Variants in ZNF510 observed in about 807,000 individuals in gnomAD.
The protein encoded by ZNF510 is zinc finger protein 510.
A neutral mutation model predicts 18.1 loss-of-function variants in ZNF510; 15 were observed. The observed-to-expected ratio is 0.83, with a 90% CI of 0.55 to 1.28. The LOEUF is 1.28. ZNF510 is among the 50% of genes most tolerant of loss of function. The pLI, the probability that ZNF510 is intolerant of heterozygous loss-of-function variation, is 0.00. For synonymous variants in ZNF510, 261 were observed against 266.4 expected, an observed-to-expected ratio of 0.98 and a Z score of 0.20; for missense variants, 724 against 791.8, an observed-to-expected ratio of 0.91 and a Z score of 1.03.
At position 96,760,255 on chromosome 9, in the gene ZNF510, T is replaced by C. The variant is rs1266087500; in HGVS notation, c.575A>G (p.Asn192Ser). The change falls in exon 6 of 6, where the codon AAT (asparagine) becomes AGT (serine). Residue 192 changes from asparagine (N) to serine (S), a missense_variant. Transcript: ENST00000223428. Reference protein sequence around the residue: ...NLQSISEFIINNRNYSTKKIG... With the variant: ...NLQSISEFIISNRNYSTKKIG... ...TTTCTTTGTTGAATAGTTTCTATTA[T>C]TAATGATAAATTCAGAAATACTTTG... The C allele has an allele frequency of 2.5e-6, 4 of 1,612,832 alleles. No individual in the cohort carries two copies. In the South Asian group the frequency reaches 4.4e-5, roughly 18 times the overall value.
chr9:96,775,586 C>T (rs146109342), intron 2 of ZNF510, among the ~76,000 whole-genome samples: 4 of 152,314 alleles, frequency 2.6e-5, no homozygotes, highest in Middle Eastern at 3.4e-3. Context: ...TAAGACACTT[C>T]TGGTGACTCA....
At chr9:96,773,430 A>G (rs943488497) in intron 3 of ZNF510, among the ~76,000 whole-genome samples, 1 of 152,212 alleles carries the variant, frequency 6.6e-6, no homozygotes, top group South Asian at 2.1e-4. Flanking sequence ...GTATCTTTCT[A>G]TATTTGAACA....
chr9:96,765,650 C>A (rs1461028103), intron 3 of ZNF510, among the ~76,000 whole-genome samples: 2 of 151,874 alleles, frequency 1.3e-5, no homozygotes, highest in South Asian at 2.1e-4. Context: ...GTAGTTGGGA[C>A]TACAGGCACG....
At chr9:96,774,359 G>C (rs1439562920) in intron 3 of ZNF510, among the ~76,000 whole-genome samples, 1 of 152,202 alleles carries the variant, frequency 6.6e-6, no homozygotes, top group Non-Finnish European at 1.5e-5. Context: ...TTGGCACTAA[G>C]CCGTCTACTT....
chr9:96,755,298 CT>C lies in ZNF510; in HGVS notation c.*3479del, dbSNP rs34006514. Among the ~76,000 whole-genome samples the C allele has an allele frequency of 0.065, 9,891 of 152,200 alleles. 1,075 individuals carry two copies. Among genetic ancestry groups the C allele is most frequent in the African/African-American group, 0.22 (9,296 of 41,508 alleles). Reference sequence around the variant, plus strand: ...CTAAATATTTTCTTTCAGAAAGTGTCTTGAGTAAAAAAAGTTTAAAGACAGA... The same window carrying C: ...CTAAATATTTTCTTTCAGAAAGTGTCTGAGTAAAAAAAGTTTAAAGACAGA... On this transcript the variant is annotated 3_prime_UTR_variant, in exon 6 of 6. Coordinates refer to ENST00000223428, the MANE Select transcript of ZNF510 (RefSeq NM_014930.3).
chr9:96,761,855 A>G (rs552543492), intron 5 of ZNF510, among the ~76,000 whole-genome samples: 34 of 152,308 alleles, frequency 2.2e-4, no homozygotes, highest in African/African-American at 7.5e-4. Context: ...GTTGATGAGC[A>G]CTATTTTTGC....
chr9:96,759,796 A>C lies in ZNF510; in HGVS notation c.1034T>G (p.Phe345Cys). 6.2e-7 allele frequency: 1 copy of C among 1,613,956 alleles called. No homozygotes were observed. Residue 345 changes from phenylalanine to cysteine, a missense_variant, in exon 6 of 6, where the codon TTC (phenylalanine) becomes TGC (cysteine). Transcript: ENST00000223428. ...ATCAGTGAGGTGTGCCTTTCTGTTG[A>C]AATTATTTCCACTTGGATTTAATTC... The part of the protein sequence containing the change: ...HYELNPSGNN[F>C]NRKAHLTDPQ...
At chr9:96,767,009 C>T (rs1044383807) in intron 3 of ZNF510, among the ~76,000 whole-genome samples, 8 of 152,050 alleles carry the variant, frequency 5.3e-5, no homozygotes, top group East Asian at 1.9e-4. Context: ...ATTTTCACCT[C>T]GCTACAGGAT....
At chr9:96,763,679 G>A in intron 3 of ZNF510, 47 bp from the exon 4 acceptor site, 1 of 1,506,584 alleles carries the variant, frequency 6.6e-7, no homozygotes, top group Non-Finnish European at 8.9e-7. Flanking sequence ...AGAATTAGAT[G>A]ATGTAGAAAA....
intron 3 of ZNF510, among the ~76,000 whole-genome samples, chr9:96,771,657 G>A (rs1327486921): frequency 6.6e-6 from 1 of 151,944 alleles, no homozygotes; most frequent in Admixed American, 6.6e-5. Context: ...TATAAAAACT[G>A]TAAAGGAAGA....
rs1275181695 is a variant in ZNF510, at chr9:96,757,031, TAA to T, written c.*1745_*1746del. On this transcript the variant is annotated 3_prime_UTR_variant, in exon 6 of 6. Transcript: ENST00000223428. ...CTACTGGCCCAAAGTACCTCACCCATAAAGTTATTAAATTTGTTTGCCTTCCC... is the reference window on the plus strand; with the variant it reads ...CTACTGGCCCAAAGTACCTCACCCATAGTTATTAAATTTGTTTGCCTTCCC... 8 of 152,372 alleles carry T rather than the reference TAA, an allele frequency of 5.3e-5. No individual in the cohort carries two copies. The East Asian group carries it at 1.5e-3, about 29-fold the overall frequency. 9.4% of individuals were successfully genotyped at this position (152,372 alleles called of 1,614,324 possible).
rs755647646 is a variant in ZNF510, at chr9:96,760,503, T to G, written c.353-26A>C. 5 of 1,555,552 alleles carry G rather than the reference T, an allele frequency of 3.2e-6. No homozygotes were observed. The East Asian group carries it at 1.1e-4, about 35-fold the overall frequency. On this transcript the variant is annotated intron_variant, in intron 5 of 5. Coordinates refer to ENST00000223428, the MANE Select transcript of ZNF510 (RefSeq NM_014930.3). ...CTAAAACAGAAATATTGAAAACATCTTATGACTCTTACATCTTCTGTGGGT... is the reference window on the plus strand; with the variant it reads ...CTAAAACAGAAATATTGAAAACATCGTATGACTCTTACATCTTCTGTGGGT...
rs1588122872 is a variant in ZNF510, at chr9:96,755,201, C to T, written c.*3577G>A. On this transcript the variant is annotated 3_prime_UTR_variant, in exon 6 of 6. Coordinates refer to ENST00000223428, the MANE Select transcript of ZNF510 (RefSeq NM_014930.3). ...GAATCAGTTCCACCCTACAGGGTTC[C>T]TGATCCTTAATACCAAACCCAGTCA... is the stretch of plus-strand genomic sequence containing the variant. 1.3e-5 allele frequency among the ~76,000 whole-genome samples: 2 copies of T among 152,344 alleles called. No individual in the cohort carries two copies. The highest frequency in any genetic ancestry group is 4.1e-4 in the South Asian group (2 of 4,828).
Position 96,757,123 on chromosome 9 carries a change from C to A in ZNF510, c.*1655G>T, listed in dbSNP as rs1048657202. 1 of 152,148 alleles carries A rather than the reference C, an allele frequency of 6.6e-6. No homozygotes were observed. Among genetic ancestry groups the A allele is most frequent in the African/African-American group, 2.4e-5 (1 of 41,428 alleles). 9.4% of individuals were successfully genotyped at this position (152,148 alleles called of 1,614,324 possible). On this transcript the variant is annotated 3_prime_UTR_variant, in exon 6 of 6. Transcript: ENST00000223428. ...CCCCACAGGAACTAGTAAGATGTTG[C>A]CTTGGGCATGGATTCAATAAAGCCA...
intron 3 of ZNF510, 144 bp from the exon 4 acceptor site, chr9:96,763,776 T>C: frequency 1.2e-6 from 1 of 856,852 alleles, no homozygotes; most frequent in Non-Finnish European, 1.7e-6. Flanking sequence ...AATTTAATCT[T>C]AGACTTTGAA....
intron 3 of ZNF510, among the ~76,000 whole-genome samples, chr9:96,770,844 T>C (rs1200421072): frequency 6.6e-6 from 1 of 152,128 alleles, no homozygotes; most frequent in Non-Finnish European, 1.5e-5. Context: ...ACTCTACAAA[T>C]ATACTAAAAA....
chr9:96,777,207 A>G (rs1849720994), intron 1 of ZNF510, among the ~76,000 whole-genome samples: 1 of 152,176 alleles, frequency 6.6e-6, no homozygotes, highest in South Asian at 2.1e-4. Context: ...GAAACCCCAC[A>G]ACAAATACAC....
chr9:96,765,526 T>G, intron 3 of ZNF510, among the ~76,000 whole-genome samples: 1 of 152,080 alleles, frequency 6.6e-6, no homozygotes, highest in East Asian at 1.9e-4. Flanking sequence ...TTTCTTTTTT[T>G]TTTTTGAGAC....
rs1849252990 is a variant in ZNF510 at position 96,758,737 on chromosome 9, T to C, written c.*41A>G. On this transcript the variant is annotated 3_prime_UTR_variant, in exon 6 of 6. Coordinates refer to ENST00000223428, the MANE Select transcript of ZNF510 (RefSeq NM_014930.3). The stretch of plus-strand genomic sequence containing the variant: ...TTTTTTGTGTATCTCTGATATCAAA[T>C]GGGGTATTCCTTTTGTCAAAAGGAT... The C allele has an allele frequency of 6.6e-7, 1 of 1,514,004 alleles. No homozygotes were observed. The highest frequency in any genetic ancestry group is 8.8e-7 in the Non-Finnish European group (1 of 1,133,474). The allele number at this position is 1,514,004 out of a possible 1,614,324, so 93.8% of individuals were successfully genotyped here.
Sources: allele counts gnomAD v4.1 joint callset (sites outside exome capture counted in the v4.1 genomes callset), GRCh38; gene constraint gnomAD v4.1.1; transcripts MANE v1.5; gene names NCBI Gene and HGNC (gene_info 2026-07-23, HGNC 2026-07-21).